The following GALNT17 variants were observed in gnomAD, a reference collection of about 807,000 sequenced individuals.
The protein encoded by GALNT17 is polypeptide N-acetylgalactosaminyltransferase 17.
GALNT17 carries 29 observed loss-of-function variants against 63.7 expected under a neutral mutation model. That is an observed-to-expected ratio of 0.46 (90% CI 0.34 to 0.62). The LOEUF (loss-of-function observed/expected upper bound fraction) is 0.62, where lower values mean the gene tolerates loss of function less well. Among genes scored for constraint, GALNT17 ranks in the 20% least tolerant of loss-of-function variants. The pLI is 0.01. For synonymous variants in GALNT17, 305 were observed against 318.3 expected (o/e 0.96, Z 0.45); for missense variants, 603 against 799.6 (o/e 0.75, Z 2.97).
At chr7:71,418,160 G>T (rs1000611301) in intron 4 of GALNT17, among the ~76,000 whole-genome samples, 3 of 152,134 alleles carry the variant, frequency 2.0e-5, no homozygotes, top group Admixed American at 1.3e-4. Flanking sequence ...AATCCAGCAG[G>T]TTTGGTATCT....
intron 5 of GALNT17, among the ~76,000 whole-genome samples, chr7:71,539,946 A>G (rs937164271): frequency 6.8e-6 from 1 of 146,556 alleles, no homozygotes; most frequent in Middle Eastern, 3.5e-3. Context: ...AGTAGCCACC[A>G]CTCCTGGCTA....
chr7:71,569,987 A>G (rs1173801847), intron 5 of GALNT17, among the ~76,000 whole-genome samples: 1 of 151,654 alleles, frequency 6.6e-6, no homozygotes, highest in Admixed American at 6.6e-5. Context: ...ACTATTTTAC[A>G]CTGCCACCAA....
intron 2 of GALNT17, among the ~76,000 whole-genome samples, chr7:71,382,567 TC>T (rs1021556802): frequency 6.6e-6 from 1 of 151,514 alleles, no homozygotes; most frequent in African/African-American, 2.4e-5. Flanking sequence ...GCCATGGGGG[TC>T]TGAGATAATT....
intron 1 of GALNT17, among the ~76,000 whole-genome samples, chr7:71,197,505 G>A (rs1789077102): frequency 6.6e-6 from 1 of 151,896 alleles, no homozygotes; most frequent in Non-Finnish European, 1.5e-5. Context: ...ACCGCGCCTG[G>A]CCCTGTTGTA....
chr7:71,289,504 G>C (rs970259244), intron 1 of GALNT17, among the ~76,000 whole-genome samples: 3 of 152,100 alleles, frequency 2.0e-5, no homozygotes, highest in African/African-American at 4.8e-5. Context: ...GGGAGGCCGA[G>C]GAGGGCGGAT....
intron 1 of GALNT17, among the ~76,000 whole-genome samples, chr7:71,188,815 G>C (rs1476870426): frequency 6.6e-6 from 1 of 152,156 alleles, no homozygotes; most frequent in Non-Finnish European, 1.5e-5. Flanking sequence ...CCCCAGCACA[G>C]CTTTGGATGT....
intron 1 of GALNT17, among the ~76,000 whole-genome samples, chr7:71,137,434 C>G (rs916046866): frequency 6.6e-6 from 1 of 152,222 alleles, no homozygotes; most frequent in Non-Finnish European, 1.5e-5. Context: ...CCACCGCGCC[C>G]GGCCATTTTG....
chr7:71,323,990 C>T lies in GALNT17; in HGVS notation c.239-11560C>T, dbSNP rs376628314. ...TTGGATAGTGTCCAGAAAGGATTTC[C>T]GGGGCTCTGTTGAGTAGCAGGGAAG... On this transcript the variant is annotated intron_variant, in intron 1 of 10. Coordinates refer to ENST00000333538, the MANE Select transcript of GALNT17 (RefSeq NM_022479.3). Among the ~76,000 whole-genome samples the T allele has an allele frequency of 3.4e-4, 51 of 152,220 alleles. 2 individuals are homozygous for T. The highest frequency in any genetic ancestry group is 2.1e-3 in the East Asian group (11 of 5,158).
intron 9 of GALNT17, among the ~76,000 whole-genome samples, chr7:71,707,489 T>C (rs1183220723): frequency 4.6e-5 from 7 of 152,204 alleles, no homozygotes; most frequent in Non-Finnish European, 8.8e-5. Flanking sequence ...CTTCCCTGTA[T>C]CAGTCAGGAA....
chr7:71,500,488 G>A (rs1387152002), intron 5 of GALNT17, among the ~76,000 whole-genome samples: 2 of 152,040 alleles, frequency 1.3e-5, no homozygotes, highest in Non-Finnish European at 2.9e-5. Context: ...GTCTCCCCAG[G>A]TCTCAACTTC....
intron 6 of GALNT17, among the ~76,000 whole-genome samples, chr7:71,626,267 G>C (rs1037434667): frequency 6.7e-6 from 1 of 150,356 alleles, no homozygotes; most frequent in Admixed American, 6.6e-5. Context: ...AAGGGACACA[G>C]ACACACACAA....
chr7:71,462,821 G>A (rs750658877), intron 5 of GALNT17, among the ~76,000 whole-genome samples: 5 of 152,156 alleles, frequency 3.3e-5, no homozygotes, highest in Non-Finnish European at 7.3e-5. Flanking sequence ...AGAATGGGAG[G>A]CAGGTTTGCC....
At chr7:71,261,387 C>T (rs1456437777) in intron 1 of GALNT17, among the ~76,000 whole-genome samples, 1 of 151,812 alleles carries the variant, frequency 6.6e-6, no homozygotes, top group Non-Finnish European at 1.5e-5. Flanking sequence ...TTTCCCTTGG[C>T]AAATGGATCT....
intron 5 of GALNT17, among the ~76,000 whole-genome samples, chr7:71,519,494 C>T (rs1345051280): frequency 1.3e-5 from 2 of 152,108 alleles, no homozygotes; most frequent in Non-Finnish European, 2.9e-5. Flanking sequence ...GATGGAGTCT[C>T]ATTCTGTCAC....
intron 5 of GALNT17, among the ~76,000 whole-genome samples, chr7:71,548,843 T>C (rs1166253332): frequency 2.0e-5 from 3 of 152,228 alleles, no homozygotes; most frequent in Non-Finnish European, 2.9e-5. Context: ...GCCAAAATCC[T>C]GTTTCCATAG....
At chr7:71,597,546 TAAAC>T (rs1394277618) in intron 6 of GALNT17, among the ~76,000 whole-genome samples, 1 of 117,184 alleles carries the variant, frequency 8.5e-6, no homozygotes, top group Non-Finnish European at 2.0e-5. Flanking sequence ...AAGTAAATAA[TAAAC>T]AAACATTTCT....
At chr7:71,171,698 A>G (rs1788550445) in intron 1 of GALNT17, among the ~76,000 whole-genome samples, 1 of 152,222 alleles carries the variant, frequency 6.6e-6, no homozygotes, top group African/African-American at 2.4e-5. Context: ...TTGTAACTAT[A>G]TTGGAAATAC....
chr7:71,557,925 T>A (rs934538938), intron 5 of GALNT17, among the ~76,000 whole-genome samples: 1 of 151,652 alleles, frequency 6.6e-6, no homozygotes, highest in African/African-American at 2.4e-5. Flanking sequence ...ATAACAAAAA[T>A]TAGCCGAGCA....
intron 6 of GALNT17, 96 bp from the exon 7 acceptor site, chr7:71,665,315 A>T: frequency 4.7e-6 from 6 of 1,285,426 alleles, no homozygotes; most frequent in Non-Finnish European, 6.5e-6. Flanking sequence ...TTTTACGTTT[A>T]TGCAAAGTCA....
Sources: allele counts gnomAD v4.1 joint callset (sites outside exome capture counted in the v4.1 genomes callset), GRCh38; gene constraint gnomAD v4.1.1; transcripts MANE v1.5; gene names NCBI Gene and HGNC (gene_info 2026-07-23, HGNC 2026-07-21).